The following CNKSR3 variants were observed in gnomAD, a reference collection of about 807,000 sequenced individuals.
CNKSR3 encodes CNKSR family member 3, also known as connector enhancer of kinase suppressor of ras 3.
In CNKSR3, 36 loss-of-function variants were observed where a neutral mutation model predicts 67.7. The observed-to-expected ratio is 0.53, with a 90% CI of 0.41 to 0.70. The LOEUF (loss-of-function observed/expected upper bound fraction) is 0.70, where lower values mean the gene tolerates loss of function less well. Ranked by LOEUF, CNKSR3 falls within the 30% of genes least tolerant of loss-of-function variation. CNKSR3 has a pLI of 0.00. For synonymous variants in CNKSR3, 281 were observed against 271.4 expected (o/e 1.04, Z -0.35); for missense variants, 630 against 695.2 (o/e 0.91, Z 1.05).
chr6:154,487,308 A>G (rs1786695180), intron 1 of CNKSR3, among the ~76,000 whole-genome samples: 1 of 152,216 alleles, frequency 6.6e-6, no homozygotes, highest in Non-Finnish European at 1.5e-5. Flanking sequence ...GGCTTTATTA[A>G]GCACTTAAAA....
rs753473032 is a variant in CNKSR3, at chr6:154,406,479, C to T, written c.1543G>A (p.Ala515Thr). 3.1e-6 allele frequency: 5 copies of T among 1,614,170 alleles called. No individual in the cohort carries two copies. Among genetic ancestry groups the T allele is most frequent in the Admixed American group, 1.7e-5 (1 of 60,018 alleles). Residue 515 changes from alanine to threonine, a missense_variant, in exon 13 of 13, where the codon GCC becomes ACC. Transcript: ENST00000607772. Reference sequence around the variant, plus strand: ...CCTTCCTCCTGGAATGGAATCGTGGCGCTGCTGTGGAGATCTGAGTTGATG... The same window carrying T: ...CCTTCCTCCTGGAATGGAATCGTGGTGCTGCTGTGGAGATCTGAGTTGATG... ...CYINSDLHSS[A>T]TIPFQEEGTK... is the part of the protein sequence containing the mutation.
chr6:154,462,232 C>T (rs1420040513), intron 1 of CNKSR3, among the ~76,000 whole-genome samples: 1 of 145,994 alleles, frequency 6.8e-6, no homozygotes, highest in Non-Finnish European at 1.5e-5. Flanking sequence ...CATTAGAAGT[C>T]CCTCCCCCCG....
At chr6:154,410,313 T>G in intron 12 of CNKSR3, 30 bp downstream of exon 12, 1 of 1,543,848 alleles carries the variant, frequency 6.5e-7, no homozygotes, top group Non-Finnish European at 9.0e-7. Flanking sequence ...CCCCATTTGC[T>G]GTTCCTTGGT....
chr6:154,439,104 T>C (rs1785530380), intron 4 of CNKSR3, among the ~76,000 whole-genome samples: 1 of 152,232 alleles, frequency 6.6e-6, no homozygotes, highest in Non-Finnish European at 1.5e-5. Flanking sequence ...GAGGCGGCTC[T>C]AGGCACGTAT....
In CNKSR3 at chr6:154,401,435, A is replaced by G. The variant is rs1784716552; in HGVS notation, c.*4919T>C. 2 of 153,124 alleles carry G rather than the reference A, an allele frequency of 1.3e-5. No homozygotes were observed. The highest frequency in any genetic ancestry group is 2.9e-5 in the Non-Finnish European group (2 of 68,812). 9.5% of individuals were successfully genotyped at this position (153,124 alleles called of 1,614,324 possible). A position where few individuals can be genotyped will look rare whatever the true frequency, so the allele number is the denominator to read the frequency against. On this transcript the variant is annotated 3_prime_UTR_variant, in exon 13 of 13. Coordinates refer to ENST00000607772, the MANE Select transcript of CNKSR3 (RefSeq NM_173515.4). ...GGGTAAGGGTGCTCACCAGGAACTC[A>G]CCTTGATCTTGGACTTCCCAGCCTC...
In CNKSR3 at chr6:154,402,400, C is replaced by T. The variant is rs910224509; in HGVS notation, c.*3954G>A. 1 of 152,194 alleles carries T rather than the reference C, an allele frequency of 6.6e-6. No homozygotes were observed. The highest frequency in any genetic ancestry group is 2.4e-5 in the African/African-American group (1 of 41,456). 9.4% of individuals were successfully genotyped at this position (152,194 alleles called of 1,614,324 possible). A position where few individuals can be genotyped will look rare whatever the true frequency, so the allele number is the denominator to read the frequency against. On this transcript the variant is annotated 3_prime_UTR_variant, in exon 13 of 13. Coordinates refer to ENST00000607772, the MANE Select transcript of CNKSR3 (RefSeq NM_173515.4). ...TTTATATATAAACACACAGAATTTT[C>T]AGCCCAGTTTTAATATGCTTTGGAT...
intron 1 of CNKSR3, among the ~76,000 whole-genome samples, chr6:154,461,428 G>A (rs908671136): frequency 3.3e-5 from 5 of 152,214 alleles, no homozygotes; most frequent in Non-Finnish European, 7.3e-5. Context: ...AGTAGCTGAA[G>A]ATTAAACAAT....
chr6:154,491,400 G>A (rs1267076214), intron 1 of CNKSR3, among the ~76,000 whole-genome samples: 1 of 152,178 alleles, frequency 6.6e-6, no homozygotes, highest in Non-Finnish European at 1.5e-5. Flanking sequence ...CAAGTTGATT[G>A]GTTTCTCTCC....
At chr6:154,471,012 A>AT (rs11435607) in intron 1 of CNKSR3, among the ~76,000 whole-genome samples, 6,423 of 152,288 alleles carry the variant, frequency 0.042, 200 homozygotes, top group African/African-American at 0.085. Context: ...GTGTTATCAG[A>AT]TTTTAACATC....
rs1216317273 is a variant in CNKSR3 at position 154,411,523 on chromosome 6, A to G, written c.1071-381T>C. On this transcript the variant is annotated intron_variant, in intron 10 of 12. Transcript: ENST00000607772. ...TTAGCCAGGTGTGGTGGCAGGAGCT[A>G]CTTGGGAGACTGAGGCAGGAGAAGT... Among the ~76,000 whole-genome samples the G allele has an allele frequency of 4.0e-5, 6 of 151,722 alleles. No individual in the cohort carries two copies. In the East Asian group the frequency reaches 1.2e-3, roughly 29 times the overall value.
At chr6:154,431,835 T>A (rs760929172) in intron 5 of CNKSR3, among the ~76,000 whole-genome samples, 3 of 152,212 alleles carry the variant, frequency 2.0e-5, no homozygotes, top group Non-Finnish European at 4.4e-5. Context: ...CATGACTTGA[T>A]AGCTTATTTC....
intron 1 of CNKSR3, among the ~76,000 whole-genome samples, chr6:154,478,884 T>C (rs12194277): frequency 0.5 from 76,549 of 152,050 alleles, 19,672 homozygotes; most frequent in East Asian, 0.57. Flanking sequence ...GCCAAGACAC[T>C]TAAAGGCTTG....
At chr6:154,497,905 C>A (rs1786910594) in intron 1 of CNKSR3, among the ~76,000 whole-genome samples, 1 of 152,142 alleles carries the variant, frequency 6.6e-6, no homozygotes, top group Non-Finnish European at 1.5e-5. Context: ...CGTAGGACCC[C>A]ACTAACCAGC....
intron 1 of CNKSR3, among the ~76,000 whole-genome samples, chr6:154,465,048 G>A (rs1201322327): frequency 6.7e-6 from 1 of 149,832 alleles, no homozygotes; most frequent in African/African-American, 2.5e-5. Flanking sequence ...GGCTGAGGCA[G>A]GAAAATTGCT....
At chr6:154,414,233 C>T in intron 10 of CNKSR3, 66 bp downstream of exon 10, 1 of 1,496,226 alleles carries the variant, frequency 6.7e-7, no homozygotes, top group Non-Finnish European at 8.9e-7. Context: ...ATCCTCTTTT[C>T]ACACCACCAT....
chr6:154,506,396 C>G (rs1435988415), intron 1 of CNKSR3, among the ~76,000 whole-genome samples: 6 of 152,178 alleles, frequency 3.9e-5, no homozygotes, highest in South Asian at 2.1e-4. Flanking sequence ...CAGCAACCAG[C>G]CTTCCCTGCT....
In CNKSR3 at chr6:154,430,595, G is replaced by C; in HGVS notation, c.550-4C>G. On this transcript the variant is annotated splice_polypyrimidine_tract_variant and splice_region_variant and intron_variant, in intron 5 of 12. Coordinates refer to ENST00000607772, the MANE Select transcript of CNKSR3 (RefSeq NM_173515.4). ...AGATGCCATTTAAAACCTTGACCTA[G>C]AATTGGAGAAGCAAATAGTCAGGAA... is the stretch of plus-strand genomic sequence containing the variant. The C allele has an allele frequency of 6.2e-7, 1 of 1,602,910 alleles. No homozygotes were observed. Among genetic ancestry groups the C allele is most frequent in the Non-Finnish European group, 8.5e-7 (1 of 1,176,816 alleles).
Position 154,404,419 on chromosome 6 carries a change from T to G in CNKSR3, c.*1935A>C, listed in dbSNP as rs1043236228. Reference sequence around the variant, plus strand: ...GTTGGCCAGGCTGGTCTTGAACTCCTGACCCCAGGTAATCCACCCACCTTG... The same window carrying G: ...GTTGGCCAGGCTGGTCTTGAACTCCGGACCCCAGGTAATCCACCCACCTTG... On this transcript the variant is annotated 3_prime_UTR_variant, in exon 13 of 13. Transcript: ENST00000607772. The G allele has an allele frequency of 2.0e-5, 3 of 152,182 alleles. No individual in the cohort carries two copies. The highest frequency in any genetic ancestry group is 2.0e-4 in the Admixed American group (3 of 15,272). The allele number at this position is 152,182 out of a possible 1,614,324, so 9.4% of individuals were successfully genotyped here. A position where few individuals can be genotyped will look rare whatever the true frequency, so the allele number is the denominator to read the frequency against.
chr6:154,505,722 G>C (rs1410983740), intron 1 of CNKSR3, among the ~76,000 whole-genome samples: 1 of 148,614 alleles, frequency 6.7e-6, no homozygotes, highest in Non-Finnish European at 1.5e-5. Context: ...GGATGGTCTC[G>C]ATCTCCTGAC....
Sources: allele counts gnomAD v4.1 joint callset (sites outside exome capture counted in the v4.1 genomes callset), GRCh38; gene constraint gnomAD v4.1.1; transcripts MANE v1.5; gene names NCBI Gene and HGNC (gene_info 2026-07-23, HGNC 2026-07-21).